SLC6A11: variants seen among roughly 807,000 people sequenced by gnomAD.
SLC6A11 encodes the protein sodium- and chloride-dependent GABA transporter 3.
A neutral mutation model predicts 74.8 loss-of-function variants in SLC6A11; 25 were observed. The ratio of observed to expected loss-of-function variants is 0.33; its 90% confidence interval spans 0.24 to 0.47. The LOEUF is 0.47. SLC6A11 is among the 20% of genes least tolerant of loss of function. SLC6A11 has a pLI of 1.00. For synonymous variants in SLC6A11, 330 were observed against 330.2 expected, an observed-to-expected ratio of 1.00 and a Z score of 0.01; for missense variants, 574 against 837.0, an observed-to-expected ratio of 0.69 and a Z score of 3.88.
intron 1 of SLC6A11, among the ~76,000 whole-genome samples, chr3:10,817,970 T>G (rs1694085354): frequency 6.6e-6 from 1 of 152,018 alleles, no homozygotes; most frequent in Non-Finnish European, 1.5e-5. Flanking sequence ...TGTTTTAACA[T>G]CTTTTTTTTC....
rs139297065 is a variant in SLC6A11 at position 10,832,430 on chromosome 3, C to T, written c.623+9038C>T. ...ACTCTCATGAGATTTGCCAATTCACCAAAGCAAACCCAGATCAACACTTTG... is the reference window on the plus strand; with the variant it reads ...ACTCTCATGAGATTTGCCAATTCACTAAAGCAAACCCAGATCAACACTTTG... On this transcript the variant is annotated intron_variant, in intron 4 of 13. Transcript: ENST00000254488. Among the ~76,000 whole-genome samples the T allele has an allele frequency of 5.1e-3, 776 of 152,270 alleles. 8 individuals are homozygous for T. Among genetic ancestry groups the T allele is most frequent in the African/African-American group, 0.018 (749 of 41,534 alleles).
intron 6 of SLC6A11, among the ~76,000 whole-genome samples, chr3:10,903,335 C>T (rs1466632109): frequency 6.6e-6 from 1 of 152,166 alleles, no homozygotes; most frequent in Non-Finnish European, 1.5e-5. Flanking sequence ...TATAAAATCC[C>T]AGAGCAGCAT....
At chr3:10,879,173 T>C (rs146785604) in intron 6 of SLC6A11, among the ~76,000 whole-genome samples, 1 of 152,332 alleles carries the variant, frequency 6.6e-6, no homozygotes, top group African/African-American at 2.4e-5. Context: ...AACCTCCAGA[T>C]CACCAAATCC....
At chr3:10,898,257 G>C (rs561752655) in intron 6 of SLC6A11, among the ~76,000 whole-genome samples, 131 of 152,288 alleles carry the variant, frequency 8.6e-4, no homozygotes, top group African/African-American at 3.0e-3. Flanking sequence ...TTAACATTCG[G>C]CTCCTGGTTA....
At chr3:10,823,461 G>C in intron 4 of SLC6A11, 69 bp downstream of exon 4, 1 of 1,060,642 alleles carries the variant, frequency 9.4e-7, no homozygotes. Context: ...AGTTGGTCTT[G>C]CCCCTATTCC....
chr3:10,825,121 G>A (rs1694190430), intron 4 of SLC6A11: 1 of 149,666 alleles, frequency 6.7e-6, no homozygotes, highest in African/African-American at 2.5e-5. Context: ...GGCGAAAGTT[G>A]CAGTGAGCCG....
chr3:10,828,809 T>C (rs1694251388), intron 4 of SLC6A11, among the ~76,000 whole-genome samples: 1 of 152,242 alleles, frequency 6.6e-6, no homozygotes, highest in African/African-American at 2.4e-5. Flanking sequence ...TCACTCTTTC[T>C]TAATAGTTCT....
rs1325515306 is a variant in SLC6A11 at position 10,816,620 on chromosome 3, G to A, written c.256+99G>A. The A allele has an allele frequency of 1.6e-6, 2 of 1,279,686 alleles. No individual in the cohort carries two copies. Among genetic ancestry groups the A allele is most frequent in the African/African-American group, 3.1e-5 (2 of 64,000 alleles). 79.3% of individuals were successfully genotyped at this position (1,279,686 alleles called of 1,614,324 possible). ...AGACCCCCTCCCGCGCCTGCGTGGA[G>A]CGGAACCCGAGCGGAGAACCTCGAC... On this transcript the variant is annotated intron_variant, in intron 1 of 13. Transcript: ENST00000254488. This position sits in a 1 kb window ranked among gnomAD's most constrained non-coding sequence, Gnocchi z 4.2.
At chr3:10,830,679 T>C (rs886414061) in intron 4 of SLC6A11, among the ~76,000 whole-genome samples, 5 of 151,682 alleles carry the variant, frequency 3.3e-5, no homozygotes, top group African/African-American at 1.2e-4. Context: ...CATGTGGAGG[T>C]CCCAGGAGCT....
intron 6 of SLC6A11, among the ~76,000 whole-genome samples, chr3:10,908,742 G>C (rs1317639717): frequency 1.3e-5 from 2 of 152,176 alleles, no homozygotes; most frequent in African/African-American, 4.8e-5. Flanking sequence ...GTGTGACACA[G>C]GGTTCTGCAC....
At position 10,889,701 on chromosome 3, in the gene SLC6A11, C is replaced by A. The variant is rs183406541; in HGVS notation, c.891+14606C>A. On this transcript the variant is annotated intron_variant, in intron 6 of 13. Transcript: ENST00000254488. ...AATCAGATCCTGCATTTTAGCAACA[C>A]CCCTGGTGGTTTTTATACACATGAA... Among the ~76,000 whole-genome samples the A allele has an allele frequency of 4.7e-3, 716 of 152,310 alleles. 3 individuals carry two copies. Among genetic ancestry groups the A allele is most frequent in the Admixed American group, 7.1e-3 (108 of 15,300 alleles).
At chr3:10,935,370 C>A (rs1695747818) in intron 13 of SLC6A11, 171 bp downstream of exon 13, 2 of 612,888 alleles carry the variant, frequency 3.3e-6, no homozygotes, top group African/African-American at 1.9e-5. Context: ...CCCAAGGTGT[C>A]TCTGTGAAGT....
intron 6 of SLC6A11, among the ~76,000 whole-genome samples, chr3:10,886,767 A>G (rs1478807819): frequency 6.7e-6 from 1 of 150,354 alleles, no homozygotes; most frequent in East Asian, 2.0e-4. Flanking sequence ...AGATCATGCC[A>G]CTGCATTCCA....
At chr3:10,911,978 A>G (rs1174894128) in intron 6 of SLC6A11, 112 bp from the exon 7 acceptor site, 2 of 756,816 alleles carry the variant, frequency 2.6e-6, no homozygotes, top group Non-Finnish European at 4.7e-6. Flanking sequence ...ATTATCCCTT[A>G]TGGAGTTTTT....
chr3:10,916,891 C>T (rs1166481568), intron 7 of SLC6A11, among the ~76,000 whole-genome samples: 1 of 152,208 alleles, frequency 6.6e-6, no homozygotes, highest in African/African-American at 2.4e-5. Flanking sequence ...GTTCAATGCT[C>T]TCTCTACTTT....
intron 11 of SLC6A11, 43 bp from the exon 12 acceptor site, chr3:10,934,022 CT>C: frequency 7.2e-7 from 1 of 1,391,050 alleles, no homozygotes; most frequent in Non-Finnish European, 1.0e-6. Context: ...ATGTACAAAA[CT>C]TCTCTGGGGT....
chr3:10,907,116 A>G (rs1305043329), intron 6 of SLC6A11, among the ~76,000 whole-genome samples: 1 of 152,242 alleles, frequency 6.6e-6, no homozygotes, highest in Admixed American at 6.5e-5. Flanking sequence ...ATATTTCAAA[A>G]CAAGCTAAAG....
At chr3:10,937,201 T>C (rs184265634) in intron 13 of SLC6A11, among the ~76,000 whole-genome samples, 17 of 152,308 alleles carry the variant, frequency 1.1e-4, no homozygotes, top group Admixed American at 7.8e-4. Context: ...GGTACCGTTA[T>C]TATCCCCCTT....
chr3:10,912,753 C>T (rs1157057401), intron 7 of SLC6A11, among the ~76,000 whole-genome samples: 1 of 152,148 alleles, frequency 6.6e-6, no homozygotes, highest in Middle Eastern at 3.2e-3. Flanking sequence ...ACACGTGCAG[C>T]TTGAGTTCTA....
Sources: allele counts gnomAD v4.1 joint callset (sites outside exome capture counted in the v4.1 genomes callset), GRCh38; gene constraint gnomAD v4.1.1; non-coding constraint Gnocchi (gnomAD v3.1); transcripts MANE v1.5; gene names NCBI Gene and HGNC (gene_info 2026-07-23, HGNC 2026-07-21).